The following ZFC3H1 variants were observed in gnomAD, a reference collection of about 807,000 sequenced individuals.
The protein encoded by ZFC3H1 is zinc finger C3H1-type containing.
In ZFC3H1, 71 loss-of-function variants were observed where a neutral mutation model predicts 243.7. The observed-to-expected ratio is 0.29, with a 90% CI of 0.24 to 0.36. The LOEUF is 0.36. ZFC3H1 is among the 10% of genes least tolerant of loss of function. The probability of loss-of-function intolerance (pLI) is 1.00; values close to 1 mark genes in which losing one functional copy is unlikely to be tolerated. For missense variants in ZFC3H1, 1,966 were observed against 2,317.1 expected (o/e 0.85, Z 3.11); for synonymous variants, 838 against 813.0 (o/e 1.03, Z -0.52).
At chr12:71,619,486 C>T (rs1033376450) in intron 26 of ZFC3H1, 77 bp from the exon 27 acceptor site, 1 of 1,420,832 alleles carries the variant, frequency 7.0e-7, no homozygotes, top group South Asian at 1.3e-5. Flanking sequence ...AGAAAAAAAG[C>T]CTTAAAAAAG....
chr12:71,623,748 C>G, intron 23 of ZFC3H1, 151 bp from the exon 24 acceptor site: 1 of 630,294 alleles, frequency 1.6e-6, no homozygotes, highest in Non-Finnish European at 2.6e-6. Context: ...TCTAATAAGA[C>G]AAAGACAAAA....
intron 22 of ZFC3H1, 37 bp downstream of exon 22, chr12:71,626,209 TACACACACACACAC>T (rs55719302): frequency 2.6e-5 from 28 of 1,089,558 alleles, no homozygotes; most frequent in Non-Finnish European, 3.2e-5. Context: ...CAAATAATTA[TACACACACACACAC>T]ACACACACAC....
chr12:71,618,786 C>G (rs1368956187), intron 27 of ZFC3H1, among the ~76,000 whole-genome samples: 1 of 152,110 alleles, frequency 6.6e-6, no homozygotes, highest in Non-Finnish European at 1.5e-5. Flanking sequence ...GGAATAGGAA[C>G]TCTCAGGAAA....
Position 71,626,436 on chromosome 12 carries a change from C to T in ZFC3H1, c.4141G>A (p.Glu1381Lys). The part of the protein sequence containing the change: ...YLNQNEGECS[E>K]SLDSALNVLA... ...ACATTTAAAGCAGAATCCAAGGATT[C>T]TGAGCACTCCCTGTATATATAAAAG... The change falls in exon 22 of 35, where the codon GAA (glutamate) becomes AAA (lysine). Residue 1381 changes from glutamate to lysine, a missense_variant. This residue lies in a region of ZFC3H1 where 1,383 missense variants were observed against 1,723.7 expected (regional missense o/e 0.80). Transcript: ENST00000378743. 6.2e-7 allele frequency: 1 copy of T among 1,613,526 alleles called. No homozygotes were observed. The highest frequency in any genetic ancestry group is 8.5e-7 in the Non-Finnish European group (1 of 1,179,816).
In ZFC3H1 at chr12:71,663,443, C is replaced by A. The variant is rs778331852; in HGVS notation, c.168G>T (p.Arg56Ser). The change falls in exon 1 of 35, where the codon AGG becomes AGT. Residue 56 changes from arginine (R) to serine (S), a missense_variant. Coordinates refer to ENST00000378743, the MANE Select transcript of ZFC3H1 (RefSeq NM_144982.5). Reference protein sequence around the residue: ...GGGLLPYPRRRPPHSARGGGS... With the variant: ...GGGLLPYPRRSPPHSARGGGS... Reference sequence around the variant, plus strand: ...CACCGCCCCGGGCCGAGTGAGGAGGCCTTCGCCGCGGATAGGGTAACAGCC... The same window carrying A: ...CACCGCCCCGGGCCGAGTGAGGAGGACTTCGCCGCGGATAGGGTAACAGCC... 1.9e-6 allele frequency: 3 copies of A among 1,612,068 alleles called. No individual in the cohort carries two copies. Among genetic ancestry groups the A allele is most frequent in the Non-Finnish European group, 2.5e-6 (3 of 1,180,028 alleles).
At chr12:71,656,353 G>T (rs1413360394) in intron 2 of ZFC3H1, 4 of 405,008 alleles carry the variant, frequency 9.9e-6, no homozygotes, top group Non-Finnish European at 1.3e-5. Flanking sequence ...TTTAAAAATG[G>T]TATATCATAA....
At chr12:71,641,371 G>T (rs1176758361) in intron 6 of ZFC3H1, among the ~76,000 whole-genome samples, 1 of 152,148 alleles carries the variant, frequency 6.6e-6, no homozygotes, top group Non-Finnish European at 1.5e-5. Context: ...TTTGTCTCTA[G>T]TCTAGATACA....
Position 71,663,490 on chromosome 12 carries a change from T to C in ZFC3H1, c.121A>G (p.Ser41Gly), listed in dbSNP as rs199763447. The C allele has an allele frequency of 1.4e-4, 220 of 1,613,362 alleles. No homozygotes were observed. Among genetic ancestry groups the C allele is most frequent in the Non-Finnish European group, 1.7e-4 (206 of 1,180,030 alleles). The change falls in exon 1 of 35, where the codon AGC (serine) becomes GGC (glycine). Residue 41 changes from serine (S) to glycine (G), a missense_variant. Ser to Gly is a moderately conservative substitution (Grantham distance 56). Coordinates refer to ENST00000378743, the MANE Select transcript of ZFC3H1 (RefSeq NM_144982.5). ...DNNSQIRSRSSSSSSGGGLLP... is the reference protein window; with the variant it reads ...DNNSQIRSRSGSSSSGGGLLP... ...AGCCCGCCGCCGCTGCTGCTGCTGC[T>C]GCTCCGACTCCGTATCTGGCTGTTA...
At chr12:71,662,182 A>G (rs1292740984) in intron 1 of ZFC3H1, among the ~76,000 whole-genome samples, 1 of 152,210 alleles carries the variant, frequency 6.6e-6, no homozygotes, top group Non-Finnish European at 1.5e-5. Flanking sequence ...TGCTGAGTAA[A>G]CTCAGTAATG....
chr12:71,648,963 C>G (rs1262276234), intron 2 of ZFC3H1, among the ~76,000 whole-genome samples: 1 of 151,678 alleles, frequency 6.6e-6, no homozygotes, highest in Non-Finnish European at 1.5e-5. Context: ...TGGTGGTGCA[C>G]GCCTGTAGTC....
chr12:71,617,987 G>A (rs975377664), intron 27 of ZFC3H1, among the ~76,000 whole-genome samples: 25 of 152,220 alleles, frequency 1.6e-4, no homozygotes, highest in East Asian at 3.9e-4. Flanking sequence ...AGGGTGGACC[G>A]GGCGCAGTGG....
chr12:71,647,422 C>A (rs1029153472), intron 3 of ZFC3H1, among the ~76,000 whole-genome samples: 1 of 151,950 alleles, frequency 6.6e-6, no homozygotes, highest in African/African-American at 2.4e-5. Flanking sequence ...CTACCTTACT[C>A]CAAAAGCTTA....
chr12:71,626,209 TACACACACACACACACAC>T, intron 22 of ZFC3H1, 33 bp downstream of exon 22: 1 of 1,089,168 alleles, frequency 9.2e-7, no homozygotes, highest in South Asian at 1.8e-5. Flanking sequence ...CAAATAATTA[TACACACACACACACACAC>T]ACACACACAC....
rs755988482 is a variant in ZFC3H1 at position 71,631,773 on chromosome 12, T to C, written c.3470+5A>G. 3.3e-5 allele frequency: 52 copies of C among 1,577,920 alleles called. No individual in the cohort carries two copies. The South Asian group carries it at 5.4e-4, about 16-fold the overall frequency. On this transcript the variant is annotated splice_donor_5th_base_variant and intron_variant, in intron 16 of 34. Coordinates refer to ENST00000378743, the MANE Select transcript of ZFC3H1 (RefSeq NM_144982.5). The stretch of plus-strand genomic sequence containing the variant: ...ATTCAAGCTTATTGAATCTTTCTTT[T>C]ATACCTGTAGGACTTAAAAACTAGA...
At chr12:71,615,164 G>A in intron 28 of ZFC3H1, 42 bp downstream of exon 28, 2 of 1,442,652 alleles carry the variant, frequency 1.4e-6, no homozygotes, top group South Asian at 1.2e-5. Flanking sequence ...AATAGCAAAT[G>A]CAGGCCTAGT....
intron 24 of ZFC3H1, 22 bp from the exon 25 acceptor site, chr12:71,620,337 A>T: frequency 6.2e-7 from 1 of 1,607,418 alleles, no homozygotes; most frequent in Non-Finnish European, 8.5e-7. Context: ...CATCACAACA[A>T]CATGAATCAC....
At position 71,647,769 on chromosome 12, in the gene ZFC3H1, A is replaced by T; in HGVS notation, c.1060T>A (p.Ser354Thr). Residue 354 changes from serine to threonine, a missense_variant, in exon 3 of 35, where the codon TCA becomes ACA. By Grantham distance (58) the Ser-to-Thr change is moderately conservative (BLOSUM62 1). Coordinates refer to ENST00000378743, the MANE Select transcript of ZFC3H1 (RefSeq NM_144982.5). ...EQNLTRRIST[S>T]DILSEKKLGE... ...CTTACCTTTTCAGACAGAATATCTGAGGTACTAATTCTTCTTGTTAAATTT... is the reference window on the plus strand; with the variant it reads ...CTTACCTTTTCAGACAGAATATCTGTGGTACTAATTCTTCTTGTTAAATTT... 6.8e-7 allele frequency: 1 copy of T among 1,478,666 alleles called. No individual in the cohort carries two copies. The highest frequency in any genetic ancestry group is 9.2e-7 in the Non-Finnish European group (1 of 1,086,086). The allele number at this position is 1,478,666 out of a possible 1,614,324, so 91.6% of individuals were successfully genotyped here. A position where few individuals can be genotyped will look rare whatever the true frequency, so the allele number is the denominator to read the frequency against.
In ZFC3H1 at chr12:71,610,325, C is replaced by G; in HGVS notation, c.*103G>C. On this transcript the variant is annotated 3_prime_UTR_variant, in exon 35 of 35. Coordinates refer to ENST00000378743, the MANE Select transcript of ZFC3H1 (RefSeq NM_144982.5). ...ACTTGATATGATCAATAACGCTTGT[C>G]TGCCTTACACAGACCTTAGCCAGGG... 1 of 1,350,164 alleles carries G rather than the reference C, an allele frequency of 7.4e-7. No homozygotes were observed. The highest frequency in any genetic ancestry group is 1.0e-6 in the Non-Finnish European group (1 of 990,034). The allele number at this position is 1,350,164 out of a possible 1,614,324, so 83.6% of individuals were successfully genotyped here.
intron 19 of ZFC3H1, among the ~76,000 whole-genome samples, chr12:71,629,400 C>T (rs1880257254): frequency 6.6e-6 from 1 of 152,170 alleles, no homozygotes; most frequent in Admixed American, 6.5e-5. Flanking sequence ...CTCCTAACCT[C>T]AAGTGATCAG....
Sources: allele counts gnomAD v4.1 joint callset (sites outside exome capture counted in the v4.1 genomes callset), GRCh38; gene constraint gnomAD v4.1.1; regional missense constraint gnomAD v4.1.1; transcripts MANE v1.5; gene names NCBI Gene and HGNC (gene_info 2026-07-23, HGNC 2026-07-21).